The following LINC00632 variants were observed in gnomAD, a reference collection of about 807,000 sequenced individuals.
LINC00632 encodes the protein long independently transcribed non-coding RNA 632.
At chrX:140,755,186 G>C (rs1931474052) in intron 3 of LINC00632, among the ~76,000 whole-genome samples, 1 of 112,166 alleles carries the variant, frequency 8.9e-6, no homozygotes, top group South Asian at 3.7e-4. Context: ...GCTTGAAAAA[G>C]AGGTGCTGAG....
intron 2 of LINC00632, among the ~76,000 whole-genome samples, chrX:140,713,028 C>T (rs768415219): frequency 1.8e-5 from 2 of 111,253 alleles, no homozygotes; most frequent in Non-Finnish European, 3.8e-5. Context: ...GGCAGCTCGC[C>T]AGTGCATGCG....
chrX:140,769,516 T>C (rs749716894), intron 3 of LINC00632, among the ~76,000 whole-genome samples: 4 of 109,047 alleles, frequency 3.7e-5, no homozygotes, highest in Non-Finnish European at 5.7e-5. Flanking sequence ...ACATTTTGTA[T>C]GCCAAAACCT....
intron 2 of LINC00632, among the ~76,000 whole-genome samples, chrX:140,718,705 C>A (rs1036699027): frequency 4.9e-4 from 55 of 111,828 alleles, no homozygotes; most frequent in African/African-American, 1.6e-3. Flanking sequence ...GCCACCGCGC[C>A]CAGCCTGACT....
intron 2 of LINC00632, among the ~76,000 whole-genome samples, chrX:140,732,118 C>A (rs761580164): frequency 5.4e-5 from 6 of 110,874 alleles, no homozygotes; most frequent in Non-Finnish European, 1.1e-4. Context: ...GCAGGAGAAT[C>A]GCTTGAACCC....
chrX:140,735,345 T>C (rs1050415436), intron 3 of LINC00632, among the ~76,000 whole-genome samples: 24 of 111,698 alleles, frequency 2.1e-4, no homozygotes, highest in African/African-American at 7.5e-4. Flanking sequence ...AGAAACCCTC[T>C]GATTTACTAA....
exon 5 of LINC00632, among the ~76,000 whole-genome samples, chrX:140,787,080 ATATT>A (rs899805409): frequency 2.7e-5 from 3 of 111,425 alleles, no homozygotes; most frequent in African/African-American, 9.7e-5. Flanking sequence ...TTCAGGAAAA[ATATT>A]TAAACAATTG....
chrX:140,790,831 A>G (rs1158752979), exon 5 of LINC00632, among the ~76,000 whole-genome samples: 1 of 111,949 alleles, frequency 8.9e-6, no homozygotes, highest in African/African-American at 3.2e-5. Flanking sequence ...AAGCTATTTA[A>G]TATTTATCTT....
At chrX:140,751,899 G>C (rs1460092175) in intron 3 of LINC00632, among the ~76,000 whole-genome samples, 1 of 111,550 alleles carries the variant, frequency 9.0e-6, no homozygotes, top group Non-Finnish European at 1.9e-5. Flanking sequence ...AGGAGAGCTG[G>C]AAGTTTTAGG....
rs186715457 is a variant in LINC00632 at position 140,780,316 on chromosome X, A to G, written n.8335A>G. ...TTTCCCTCAAATTAAGGTATGCATG[A>G]TGGTTTTAAGATGAGAGAAGGAAGT... On this transcript the variant is annotated non_coding_transcript_exon_variant, in exon 5 of 5. Coordinates refer to ENST00000648200, the Ensembl canonical transcript of LINC00632. 4.4e-3 allele frequency among the ~76,000 whole-genome samples: 489 copies of G among 111,730 alleles called. 3 individuals are homozygous for G. The highest frequency in any genetic ancestry group is 8.0e-3 in the Non-Finnish European group (424 of 53,142).
At chrX:140,731,193 G>T (rs1379974265) in intron 2 of LINC00632, among the ~76,000 whole-genome samples, 4 of 112,094 alleles carry the variant, frequency 3.6e-5, no homozygotes, top group Admixed American at 2.9e-4. Context: ...TAGCTAGCAC[G>T]CCCAGCCAAC....
intron 3 of LINC00632, among the ~76,000 whole-genome samples, chrX:140,771,610 TATACACACAC>T (rs1931793771): frequency 4.6e-5 from 2 of 43,641 alleles, no homozygotes; most frequent in South Asian, 1.5e-3. Context: ...ATTTGGCATA[TATACACACAC>T]ACACACACAC....
intron 3 of LINC00632, among the ~76,000 whole-genome samples, chrX:140,738,928 T>A (rs1602741878): frequency 8.9e-6 from 1 of 112,065 alleles, no homozygotes; most frequent in Non-Finnish European, 1.9e-5. Flanking sequence ...TGGAAAAAAT[T>A]GATTTTCCAC....
chrX:140,722,001 C>T (rs1930735933), intron 2 of LINC00632, among the ~76,000 whole-genome samples: 1 of 110,974 alleles, frequency 9.0e-6, no homozygotes, highest in South Asian at 3.8e-4. Context: ...CCCAGACTGT[C>T]CTACAATACA....
At chrX:140,771,720 C>T (rs761428088) in intron 3 of LINC00632, among the ~76,000 whole-genome samples, 114 of 96,814 alleles carry the variant, frequency 1.2e-3, no homozygotes, top group Middle Eastern at 5.8e-3. Context: ...TACTCTGTCA[C>T]CCAGGCTGGA....
chrX:140,774,364 C>T (rs1356279562), intron 4 of LINC00632, among the ~76,000 whole-genome samples: 1 of 112,025 alleles, frequency 8.9e-6, no homozygotes, highest in Non-Finnish European at 1.9e-5. Context: ...AACTTCCAAA[C>T]AAACACCGAT....
chrX:140,786,106 T>A (rs1422174689), exon 5 of LINC00632, among the ~76,000 whole-genome samples: 1 of 111,818 alleles, frequency 8.9e-6, no homozygotes, highest in Non-Finnish European at 1.9e-5. Flanking sequence ...ATAATTAAAT[T>A]TTTACAGTTA....
intron 3 of LINC00632, among the ~76,000 whole-genome samples, chrX:140,737,474 G>C (rs1056895549): frequency 1.8e-5 from 2 of 111,365 alleles, no homozygotes; most frequent in African/African-American, 6.5e-5. Context: ...GTACATTTCA[G>C]CTCCTCTCGT....
chrX:140,782,751 A>C (rs1006045548), exon 5 of LINC00632: 1 of 111,882 alleles, frequency 8.9e-6, no homozygotes, highest in Non-Finnish European at 1.9e-5. Context: ...ACTTTCAGGT[A>C]CATCAATATC....
chrX:140,766,030 C>T (rs772686480), intron 3 of LINC00632, among the ~76,000 whole-genome samples: 1 of 111,877 alleles, frequency 8.9e-6, no homozygotes, highest in Non-Finnish European at 1.9e-5. Flanking sequence ...CATGTGATCC[C>T]TGGCCTGCTA....
Sources: allele counts gnomAD v4.1 joint callset (sites outside exome capture counted in the v4.1 genomes callset), GRCh38; gene constraint gnomAD v4.1.1; transcripts MANE v1.5; gene names NCBI Gene and HGNC (gene_info 2026-07-23, HGNC 2026-07-21).